The following ATXN7L1 variants were observed in gnomAD, a reference collection of about 807,000 sequenced individuals.
ATXN7L1 encodes the protein ataxin-7-like protein 1.
Under a neutral mutation model 70.8 loss-of-function variants are expected in ATXN7L1, and 15 were observed. The ratio of observed to expected loss-of-function variants is 0.21; its 90% CI spans 0.14 to 0.33. The LOEUF is 0.33. Among genes scored for constraint, ATXN7L1 ranks in the 10% least tolerant of loss-of-function variants. The pLI is 1.00. For synonymous variants in ATXN7L1, 440 were observed against 445.1 expected (o/e 0.99, Z 0.14); for missense variants, 975 against 1,097.1 (o/e 0.89, Z 1.57).
At chr7:105,658,722 C>CG (rs1487887817) in intron 4 of ATXN7L1, among the ~76,000 whole-genome samples, 1 of 151,862 alleles carries the variant, frequency 6.6e-6, no homozygotes, top group Non-Finnish European at 1.5e-5. Context: ...TTAGTAGATA[C>CG]GGGGTTCCAC....
At chr7:105,709,450 G>A (rs1226182459) in intron 3 of ATXN7L1, among the ~76,000 whole-genome samples, 2 of 152,104 alleles carry the variant, frequency 1.3e-5, no homozygotes, top group African/African-American at 2.4e-5. Context: ...AGTAAAGGAC[G>A]CACCTACAAG....
chr7:105,723,884 G>T (rs755429978), intron 3 of ATXN7L1, among the ~76,000 whole-genome samples: 9 of 152,170 alleles, frequency 5.9e-5, no homozygotes, highest in Admixed American at 3.3e-4. Context: ...ACTGGTACTT[G>T]ACTTTGCTGC....
intron 2 of ATXN7L1, among the ~76,000 whole-genome samples, chr7:105,874,803 TC>T (rs1818783073): frequency 6.6e-6 from 1 of 152,306 alleles, no homozygotes; most frequent in Non-Finnish European, 1.5e-5. Flanking sequence ...CAGGGTGACA[TC>T]CCTTTTTATG....
chr7:105,694,496 A>AC (rs778703841), intron 3 of ATXN7L1, among the ~76,000 whole-genome samples: 24 of 152,134 alleles, frequency 1.6e-4, no homozygotes, highest in Admixed American at 8.5e-4. Flanking sequence ...GGCTATTATT[A>AC]CCCCCATTAT....
chr7:105,876,316 G>C (rs568272982), intron 1 of ATXN7L1, 62 bp downstream of exon 1: 46 of 1,495,980 alleles, frequency 3.1e-5, no homozygotes, highest in Non-Finnish European at 4.0e-5. Flanking sequence ...TTTCCCAGTG[G>C]CTCTAGGTGA....
chr7:105,626,290 T>C (rs1290157654), intron 7 of ATXN7L1, among the ~76,000 whole-genome samples: 2 of 152,134 alleles, frequency 1.3e-5, no homozygotes, highest in Non-Finnish European at 2.9e-5. Flanking sequence ...AGGACAAATA[T>C]TGGATGATTC....
chr7:105,788,674 G>A lies in ATXN7L1; in HGVS notation c.285C>T (p.Asp95=), dbSNP rs370615574. The change falls in exon 3 of 12, where the codon GAC becomes GAT. Residue 95 remains aspartate (D), a synonymous_variant. Transcript: ENST00000419735. ...CACTGCACACTACGAGATAGAAGTC[G>A]TCATGTGCTGGGTAATGGCCAAATA... ...MHLFGHYPAH[D]DFYLVVCSAC... is the part of the protein sequence containing the mutation. The A allele has an allele frequency of 5.0e-5, 81 of 1,613,846 alleles. No individual in the cohort carries two copies. The highest frequency in any genetic ancestry group is 1.6e-4 in the Middle Eastern group (1 of 6,084).
intron 2 of ATXN7L1, among the ~76,000 whole-genome samples, chr7:105,865,208 T>G (rs1367843002): frequency 6.6e-6 from 1 of 152,172 alleles, no homozygotes; most frequent in South Asian, 2.1e-4. Flanking sequence ...AGCATCTCAT[T>G]TATTTCCACA....
At chr7:105,828,717 G>A (rs891857979) in intron 2 of ATXN7L1, among the ~76,000 whole-genome samples, 1 of 152,146 alleles carries the variant, frequency 6.6e-6, no homozygotes, top group African/African-American at 2.4e-5. Flanking sequence ...AGAGGCTGAA[G>A]CTAAATGCAC....
At chr7:105,784,977 T>C (rs766690511) in intron 3 of ATXN7L1, among the ~76,000 whole-genome samples, 13 of 152,334 alleles carry the variant, frequency 8.5e-5, no homozygotes, top group Non-Finnish European at 1.8e-4. Flanking sequence ...CTGCTTCCCA[T>C]ATATATTTAT....
At chr7:105,686,332 A>G (rs886667764) in intron 3 of ATXN7L1, among the ~76,000 whole-genome samples, 4 of 152,186 alleles carry the variant, frequency 2.6e-5, no homozygotes, top group Admixed American at 1.3e-4. Context: ...CCTGGCCAAC[A>G]TGGTGAAACC....
Position 105,729,566 on chromosome 7 carries a change from A to G in ATXN7L1, c.355+59038T>C, listed in dbSNP as rs568998885. Among the ~76,000 whole-genome samples the G allele has an allele frequency of 2.0e-5, 3 of 150,964 alleles. No individual in the cohort carries two copies. In the South Asian group the frequency reaches 6.3e-4, roughly 32 times the overall value. Reference sequence around the variant, plus strand: ...TGCCCTAGCCTCCCACGTAGTTAGGATTACAGACCTGTGCCACTACACCCA... The same window carrying G: ...TGCCCTAGCCTCCCACGTAGTTAGGGTTACAGACCTGTGCCACTACACCCA... On this transcript the variant is annotated intron_variant, in intron 3 of 11. Transcript: ENST00000419735.
At chr7:105,745,571 C>G (rs899776869) in intron 3 of ATXN7L1, among the ~76,000 whole-genome samples, 10 of 152,154 alleles carry the variant, frequency 6.6e-5, no homozygotes. Flanking sequence ...CTGTTGTCAC[C>G]CAGCTGACCA....
At chr7:105,866,615 G>A (rs959537093) in intron 2 of ATXN7L1, among the ~76,000 whole-genome samples, 4 of 152,216 alleles carry the variant, frequency 2.6e-5, no homozygotes, top group Non-Finnish European at 5.9e-5. Context: ...CCATTTGGCA[G>A]TCTGAGCTCT....
At chr7:105,745,747 TAC>T (rs1798516991) in intron 3 of ATXN7L1, among the ~76,000 whole-genome samples, 1 of 152,242 alleles carries the variant, frequency 6.6e-6, no homozygotes, top group African/African-American at 2.4e-5. Flanking sequence ...GTCCCGGTCT[TAC>T]TCTCTGTTTA....
chr7:105,740,784 T>TTTTTTTTTTTTTTTTTTTTTTGAG lies in ATXN7L1; in HGVS notation c.355+47819_355+47820insCTCAAAAAAAAAAAAAAAAAAAAA, dbSNP rs556048408. 7.3e-4 allele frequency among the ~76,000 whole-genome samples: 57 copies of TTTTTTTTTTTTTTTTTTTTTTGAG among 77,906 alleles called. 6 individuals are homozygous for TTTTTTTTTTTTTTTTTTTTTTGAG. The highest frequency in any genetic ancestry group is 1.1e-3 in the South Asian group (2 of 1,834). 51.1% of individuals were successfully genotyped at this position (77,906 alleles called of 152,430 possible). ...GGCTCCATTCATTTTTTTTTTTTTTTAATGGAGTCTCACTCTGTCGCCCAG... is the reference window on the plus strand; with the variant it reads ...GGCTCCATTCATTTTTTTTTTTTTTTTTTTTTTTTTTTTTTTTTTTTGAGAATGGAGTCTCACTCTGTCGCCCAG... On this transcript the variant is annotated intron_variant, in intron 3 of 11. Transcript: ENST00000419735.
chr7:105,763,053 C>A (rs1283383864), intron 3 of ATXN7L1, among the ~76,000 whole-genome samples: 1 of 152,210 alleles, frequency 6.6e-6, no homozygotes, highest in Non-Finnish European at 1.5e-5. Flanking sequence ...CTGAGCCGAA[C>A]CACACAGCTG....
intron 2 of ATXN7L1, among the ~76,000 whole-genome samples, chr7:105,848,991 TCTC>T (rs893441759): frequency 2.0e-5 from 3 of 152,102 alleles, no homozygotes; most frequent in African/African-American, 7.2e-5. Context: ...GATCACTTGG[TCTC>T]CTCACCTCCA....
intron 3 of ATXN7L1, among the ~76,000 whole-genome samples, chr7:105,768,112 C>T (rs915854997): frequency 1.8e-4 from 28 of 152,248 alleles, no homozygotes; most frequent in African/African-American, 6.8e-4. Context: ...TCTCTGGGAA[C>T]ACTCTTCCTG....
Sources: allele counts gnomAD v4.1 joint callset (sites outside exome capture counted in the v4.1 genomes callset), GRCh38; gene constraint gnomAD v4.1.1; transcripts MANE v1.5; gene names NCBI Gene and HGNC (gene_info 2026-07-23, HGNC 2026-07-21).